Variants in PDZD2 observed in about 807,000 individuals in gnomAD.
PDZD2 encodes the protein PDZ domain containing 2.
PDZD2 carries 90 observed loss-of-function variants against 220.7 expected under a neutral mutation model. That is an observed-to-expected ratio of 0.41 (90% confidence interval 0.34 to 0.49). The LOEUF (loss-of-function observed/expected upper bound fraction) is 0.49. Among genes scored for constraint, PDZD2 ranks in the 20% least tolerant of loss-of-function variants. The pLI is 0.28. For synonymous variants in PDZD2, 1,375 were observed against 1,450.5 expected (o/e 0.95, Z 1.18); for missense variants, 3,174 against 3,608.5 (o/e 0.88, Z 3.08).
chr5:31,870,957 A>G (rs1347864003), intron 2 of PDZD2, among the ~76,000 whole-genome samples: 1 of 152,130 alleles, frequency 6.6e-6, no homozygotes, highest in Admixed American at 6.5e-5. Context: ...TGAAGAAGAT[A>G]TGTTCTGGAA....
intron 2 of PDZD2, among the ~76,000 whole-genome samples, chr5:31,934,428 G>A (rs995282279): frequency 1.4e-4 from 21 of 151,992 alleles, no homozygotes; most frequent in African/African-American, 4.4e-4. Flanking sequence ...TTTCTCTGCC[G>A]CACCAGGGAA....
chr5:31,919,598 C>T (rs1159046584), intron 2 of PDZD2, among the ~76,000 whole-genome samples: 11 of 151,686 alleles, frequency 7.3e-5, no homozygotes, highest in South Asian at 2.1e-4. Flanking sequence ...CTGCCTGCCT[C>T]GGCAACCCAG....
Position 32,088,261 on chromosome 5 carries a change from C to T in PDZD2, c.4813C>T (p.Arg1605Cys), listed in dbSNP as rs369741913. 8.1e-6 allele frequency: 13 copies of T among 1,614,156 alleles called. No individual in the cohort carries two copies. In the African/African-American group the frequency reaches 1.2e-4, roughly 15 times the overall value. Residue 1605 changes from arginine (R) to cysteine (C), a missense_variant, in exon 20 of 25, where the codon CGT (arginine) becomes TGT (cysteine). Coordinates refer to ENST00000438447, the MANE Select transcript of PDZD2 (RefSeq NM_178140.4). The surrounding 1 kb of genome is among the most constrained non-coding windows in gnomAD (Gnocchi z 4.6). ...GGAACAGATTGAGATTTGTTCCACA[C>T]GTGGCTGCCCCAATCCACCCTCGAG... ...EEEQIEICST[R>C]GCPNPPSSPA...
At chr5:32,037,976 G>T (rs10035743) in intron 7 of PDZD2, among the ~76,000 whole-genome samples, 3,666 of 151,210 alleles carry the variant, frequency 0.024, 152 homozygotes, top group African/African-American at 0.085. Flanking sequence ...CGAGTAGCTG[G>T]GATTACAAGC....
chr5:31,924,979 A>G (rs566644947), intron 2 of PDZD2, among the ~76,000 whole-genome samples: 70 of 152,264 alleles, frequency 4.6e-4, no homozygotes, highest in Non-Finnish European at 8.4e-4. Flanking sequence ...TGAGTTTCCA[A>G]AACCAAAATT....
rs201282015 is a variant in PDZD2, at chr5:31,709,485, GA to G, written c.-361+70056del. ...GTGACAGACTAAGACCCTGTCTCAGGAAAAAAAATAAAATAAAAGGTGAGAG... is the reference window on the plus strand; with the variant it reads ...GTGACAGACTAAGACCCTGTCTCAGGAAAAAAATAAAATAAAAGGTGAGAG... On this transcript the variant is annotated intron_variant, in intron 1 of 24. Coordinates refer to ENST00000438447, the MANE Select transcript of PDZD2 (RefSeq NM_178140.4). Among the ~76,000 whole-genome samples, 497 of 122,230 alleles carry G rather than the reference GA, an allele frequency of 4.1e-3. 5 individuals carry two copies. The highest frequency in any genetic ancestry group is 0.026 in the East Asian group (115 of 4,358). 80.2% of individuals were successfully genotyped at this position (122,230 alleles called of 152,430 possible).
At chr5:31,715,735 T>G (rs544750241) in intron 1 of PDZD2, among the ~76,000 whole-genome samples, 2 of 152,382 alleles carry the variant, frequency 1.3e-5, no homozygotes, top group East Asian at 3.9e-4. Context: ...GTATAATTTG[T>G]TGATACCAGC....
Position 32,090,421 on chromosome 5 carries a change from T to A in PDZD2, c.6973T>A (p.Trp2325Arg). The change falls in exon 20 of 25, where the codon TGG becomes AGG. Residue 2325 changes from tryptophan to arginine, a missense_variant. This residue lies in a region of PDZD2 where 631 missense variants were observed against 789.9 expected (regional missense o/e 0.80). Coordinates refer to ENST00000438447, the MANE Select transcript of PDZD2 (RefSeq NM_178140.4). This position sits in a 1 kb window ranked among gnomAD's most constrained non-coding sequence, Gnocchi z 4.3. The part of the protein sequence containing the change: ...TRRHYCYEQN[W>R]PHESTSFFSV... ...ACGACACTACTGCTATGAGCAGAAC[T>A]GGCCCCATGAATCTACCTCATTTTT... 1 of 1,614,150 alleles carries A rather than the reference T, an allele frequency of 6.2e-7. No homozygotes were observed. Among genetic ancestry groups the A allele is most frequent in the Non-Finnish European group, 8.5e-7 (1 of 1,180,026 alleles).
At chr5:31,835,528 A>C (rs1756895610) in intron 2 of PDZD2, among the ~76,000 whole-genome samples, 1 of 151,986 alleles carries the variant, frequency 6.6e-6, no homozygotes, top group African/African-American at 2.4e-5. Flanking sequence ...GAGGCAGGAG[A>C]ATCGCTTGAA....
At chr5:31,884,231 GCATACATACATA>G (rs368220223) in intron 2 of PDZD2, among the ~76,000 whole-genome samples, 1 of 150,576 alleles carries the variant, frequency 6.6e-6, no homozygotes, top group Non-Finnish European at 1.5e-5. Flanking sequence ...CTGCATGCAT[GCATACATACATA>G]CATACATACA....
rs1162966127 is a variant in PDZD2 at position 31,664,439 on chromosome 5, C to CGCAT, written c.-361+25011_-361+25014dup. On this transcript the variant is annotated intron_variant, in intron 1 of 24. Transcript: ENST00000438447. ...CATCACACTCATACACAGACACATG[C>CGCAT]GCATGCATGCATACACACACACACA... is the stretch of plus-strand genomic sequence containing the variant. 4.0e-5 allele frequency among the ~76,000 whole-genome samples: 6 copies of CGCAT among 148,474 alleles called. No individual in the cohort carries two copies. The Admixed American group carries it at 4.0e-4, about 10-fold the overall frequency.
chr5:31,817,032 A>C lies in PDZD2; in HGVS notation c.476+17308A>C. ...CCCCGTGTCTACTAAAAATACAAAA[A>C]AACATTAGCCGGGCATGGTGACGGG... On this transcript the variant is annotated intron_variant, in intron 2 of 24. Transcript: ENST00000438447. 1.3e-5 allele frequency among the ~76,000 whole-genome samples: 2 copies of C among 152,030 alleles called. 1 individual carries two copies. The highest frequency in any genetic ancestry group is 2.9e-5 in the Non-Finnish European group (2 of 67,984).
intron 2 of PDZD2, among the ~76,000 whole-genome samples, chr5:31,842,766 T>A (rs1390285411): frequency 6.6e-6 from 1 of 152,244 alleles, no homozygotes; most frequent in Non-Finnish European, 1.5e-5. Context: ...TGTGACTATG[T>A]ACTGATACTT....
chr5:31,923,249 G>C, intron 2 of PDZD2: 1 of 487,944 alleles, frequency 2.0e-6, no homozygotes, highest in Non-Finnish European at 3.7e-6. Flanking sequence ...GGCAACAAGA[G>C]TGAAACTCCA....
At chr5:31,826,270 C>T (rs1433608434) in intron 2 of PDZD2, among the ~76,000 whole-genome samples, 4 of 152,088 alleles carry the variant, frequency 2.6e-5, no homozygotes, top group Non-Finnish European at 5.9e-5. Flanking sequence ...CTACCTTGCT[C>T]AATGCCACCG....
At chr5:31,784,810 G>A (rs1028572575) in intron 1 of PDZD2, among the ~76,000 whole-genome samples, 2 of 152,174 alleles carry the variant, frequency 1.3e-5, no homozygotes, top group African/African-American at 4.8e-5. Flanking sequence ...GGGAGGCTGA[G>A]GCAGAAGAAT....
chr5:31,710,046 G>A (rs380826), intron 1 of PDZD2, among the ~76,000 whole-genome samples: 34,567 of 152,116 alleles, frequency 0.23, 4,328 homozygotes, highest in East Asian at 0.38. Context: ...GCGGCTGCTC[G>A]CCCCTGACTC....
intron 2 of PDZD2, among the ~76,000 whole-genome samples, chr5:31,893,636 G>A (rs1300757377): frequency 1.3e-5 from 2 of 152,092 alleles, no homozygotes; most frequent in Non-Finnish European, 2.9e-5. Context: ...GAGATTTTCC[G>A]GTGGAATAAA....
chr5:32,072,798 A>G (rs1282547738), intron 17 of PDZD2, among the ~76,000 whole-genome samples: 1 of 152,024 alleles, frequency 6.6e-6, no homozygotes, highest in Non-Finnish European at 1.5e-5. Context: ...TTCTATAGTC[A>G]GGGGTGGATG....
Sources: allele counts gnomAD v4.1 joint callset (sites outside exome capture counted in the v4.1 genomes callset), GRCh38; gene constraint gnomAD v4.1.1; regional missense constraint gnomAD v4.1.1; non-coding constraint Gnocchi (gnomAD v3.1); transcripts MANE v1.5; gene names NCBI Gene and HGNC (gene_info 2026-07-23, HGNC 2026-07-21).